The following GPR176 variants were observed in gnomAD, a reference collection of about 807,000 sequenced individuals.
GPR176 encodes the protein G-protein coupled receptor 176.
Under a neutral mutation model 35.4 loss-of-function variants are expected in GPR176, and 26 were observed. That is an observed-to-expected ratio of 0.74 (90% confidence interval 0.54 to 1.02). The LOEUF is 1.02. Among genes scored for constraint, GPR176 ranks in the 50% least tolerant of loss-of-function variants. GPR176 has a pLI of 0.00. For missense variants in GPR176, 597 were observed against 665.3 expected, an observed-to-expected ratio of 0.90 and a Z score of 1.13; for synonymous variants, 278 against 271.3, an observed-to-expected ratio of 1.02 and a Z score of -0.24.
chr15:39,883,087 G>A (rs533675244), intron 1 of GPR176, among the ~76,000 whole-genome samples: 12 of 152,132 alleles, frequency 7.9e-5, no homozygotes, highest in South Asian at 4.1e-4. Flanking sequence ...GACTTCGTAC[G>A]TGATGAAACC....
chr15:39,829,975 T>C (rs528241032), intron 1 of GPR176, among the ~76,000 whole-genome samples: 7 of 151,530 alleles, frequency 4.6e-5, no homozygotes, highest in Non-Finnish European at 8.8e-5. Context: ...AATTATATAA[T>C]TTAATTTATA....
intron 1 of GPR176, among the ~76,000 whole-genome samples, chr15:39,860,293 T>C (rs944538393): frequency 1.3e-5 from 2 of 152,208 alleles, no homozygotes; most frequent in African/African-American, 4.8e-5. Flanking sequence ...AGGCTATCCT[T>C]AGCCAAGAAA....
intron 1 of GPR176, among the ~76,000 whole-genome samples, chr15:39,888,505 C>G (rs1472828709): frequency 2.0e-5 from 3 of 152,146 alleles, no homozygotes; most frequent in Non-Finnish European, 4.4e-5. Flanking sequence ...CATAACTCAC[C>G]ATAACCTCAA....
At chr15:39,913,470 G>A (rs116245254) in intron 1 of GPR176, among the ~76,000 whole-genome samples, 2,828 of 151,948 alleles carry the variant, frequency 0.019, 84 homozygotes, top group African/African-American at 0.065. Context: ...ACTTGAGCCC[G>A]GGAAGTGGAG....
At chr15:39,857,423 T>A (rs919963188) in intron 1 of GPR176, among the ~76,000 whole-genome samples, 1 of 152,124 alleles carries the variant, frequency 6.6e-6, no homozygotes, top group Non-Finnish European at 1.5e-5. Context: ...ATGCCTGCAA[T>A]CCCAGCACTT....
chr15:39,910,370 C>T (rs555957880), intron 1 of GPR176, among the ~76,000 whole-genome samples: 52 of 152,108 alleles, frequency 3.4e-4, no homozygotes, highest in African/African-American at 1.2e-3. Context: ...GGTGGATCAC[C>T]TGAAGTCAGT....
At chr15:39,853,607 A>C (rs1209819671) in intron 1 of GPR176, among the ~76,000 whole-genome samples, 1 of 152,184 alleles carries the variant, frequency 6.6e-6, no homozygotes, top group East Asian at 1.9e-4. Flanking sequence ...GAACAGAAAG[A>C]TTTCTTTCTC....
At chr15:39,896,533 G>A (rs1461809747) in intron 1 of GPR176, among the ~76,000 whole-genome samples, 2 of 151,970 alleles carry the variant, frequency 1.3e-5, no homozygotes, top group African/African-American at 2.4e-5. Flanking sequence ...TTATTATTAC[G>A]TGAATATTCT....
chr15:39,843,885 TA>T (rs1196857393), intron 1 of GPR176, among the ~76,000 whole-genome samples: 1 of 152,152 alleles, frequency 6.6e-6, no homozygotes, highest in Non-Finnish European at 1.5e-5. Flanking sequence ...TCTTCAGTCC[TA>T]GGGGAGGCCT....
intron 1 of GPR176, among the ~76,000 whole-genome samples, chr15:39,854,361 G>A (rs540354298): frequency 6.6e-6 from 1 of 152,086 alleles, no homozygotes; most frequent in African/African-American, 2.4e-5. Context: ...TAACCAAAAT[G>A]GTGTCCAGGG....
chr15:39,887,169 A>T (rs2032703542), intron 1 of GPR176, among the ~76,000 whole-genome samples: 2 of 152,210 alleles, frequency 1.3e-5, no homozygotes. Context: ...AAGCACAGGA[A>T]GTGGTTCTGA....
intron 1 of GPR176, among the ~76,000 whole-genome samples, chr15:39,895,212 A>G (rs1322527390): frequency 7.6e-6 from 1 of 132,384 alleles, no homozygotes; most frequent in African/African-American, 2.9e-5. Flanking sequence ...AGACCGTGGA[A>G]AGAGAGGGAG....
At chr15:39,839,029 A>G (rs1225824504) in intron 1 of GPR176, among the ~76,000 whole-genome samples, 1 of 152,074 alleles carries the variant, frequency 6.6e-6, no homozygotes, top group African/African-American at 2.4e-5. Context: ...AGCATTGTGA[A>G]GAATCAATAT....
chr15:39,829,819 G>A (rs563584765), intron 1 of GPR176, among the ~76,000 whole-genome samples: 5 of 152,168 alleles, frequency 3.3e-5, no homozygotes, highest in Admixed American at 3.3e-4. Context: ...GAGTACAACA[G>A]TTTTTTTCTC....
At chr15:39,812,658 C>CAT (rs1899647050) in intron 1 of GPR176, among the ~76,000 whole-genome samples, 1 of 152,138 alleles carries the variant, frequency 6.6e-6, no homozygotes, top group African/African-American at 2.4e-5. Flanking sequence ...AACTCCCCTT[C>CAT]ATATATACAT....
chr15:39,813,383 ATG>A (rs1899696520), intron 1 of GPR176: 1 of 152,124 alleles, frequency 6.6e-6, no homozygotes, highest in African/African-American at 2.4e-5. Flanking sequence ...TGTCTGAAAA[ATG>A]TCTTTCTTTT....
chr15:39,897,112 GA>G (rs1255685064), intron 1 of GPR176, among the ~76,000 whole-genome samples: 5 of 152,138 alleles, frequency 3.3e-5, no homozygotes, highest in Non-Finnish European at 7.3e-5. Flanking sequence ...TCAGTAATGA[GA>G]AAAGAGGCCA....
At chr15:39,869,004 C>CAAAAAAAAAAA (rs113653046) in intron 1 of GPR176, among the ~76,000 whole-genome samples, 1 of 140,130 alleles carries the variant, frequency 7.1e-6, no homozygotes. Flanking sequence ...AATTCTGTCT[C>CAAAAAAAAAAA]AAAAAAAAAA....
intron 1 of GPR176, among the ~76,000 whole-genome samples, chr15:39,907,047 A>T (rs2033442268): frequency 6.6e-6 from 1 of 152,198 alleles, no homozygotes. Context: ...GATAGAAGTG[A>T]TTGGGGAAGA....
Sources: gnomAD v4.1 joint callset for allele counts (sites outside exome capture counted in the v4.1 genomes callset) on GRCh38, gnomAD v4.1.1 for gene constraint, MANE v1.5 for transcripts, NCBI Gene and HGNC (gene_info 2026-07-23, HGNC 2026-07-21) for gene names.